The following KATNIP variants were observed in gnomAD, a reference collection of about 807,000 sequenced individuals.
KATNIP encodes katanin-interacting protein.
Under a neutral mutation model 174.0 loss-of-function variants are expected in KATNIP, and 126 were observed. That is an observed-to-expected ratio of 0.72 (90% CI 0.63 to 0.84). The LOEUF (loss-of-function observed/expected upper bound fraction) is 0.84, where lower values mean the gene tolerates loss of function less well. KATNIP is among the 40% of genes least tolerant of loss of function. The pLI, the probability that KATNIP is intolerant of heterozygous loss-of-function variation, is 0.00. For missense variants in KATNIP, 1,958 were observed against 2,109.7 expected (o/e 0.93, Z 1.41); for synonymous variants, 810 against 835.7 (o/e 0.97, Z 0.53).
In KATNIP at chr16:27,605,990, C is replaced by T. The variant is rs151045045; in HGVS notation, c.64-12435C>T. On this transcript the variant is annotated intron_variant, in intron 2 of 27. Transcript: ENST00000261588. ...ATTAAAAATACAAAAATTAGCTGGG[C>T]GTGGTGGCAGACGCCTGTAGTCCCA... Among the ~76,000 whole-genome samples the T allele has an allele frequency of 4.5e-4, 69 of 152,068 alleles. No individual in the cohort carries two copies. In the East Asian group the frequency reaches 5.6e-3, roughly 12 times the overall value.
intron 2 of KATNIP, among the ~76,000 whole-genome samples, chr16:27,584,819 G>A (rs904198118): frequency 2.6e-5 from 4 of 152,050 alleles, no homozygotes; most frequent in African/African-American, 9.7e-5. Context: ...GTTGACATCT[G>A]TTGTCTTGTT....
Position 27,680,483 on chromosome 16 carries a change from A to G in KATNIP, c.809-916A>G, listed in dbSNP as rs190939030. The stretch of plus-strand genomic sequence containing the variant: ...CAGTTCGAGTGATACTGGGGCATAA[A>G]GTGAGAAGAGAGAATTTGAATTTCT... On this transcript the variant is annotated intron_variant, in intron 7 of 27. Coordinates refer to ENST00000261588, the MANE Select transcript of KATNIP (RefSeq NM_015202.5). 5.4e-3 allele frequency among the ~76,000 whole-genome samples: 817 copies of G among 152,284 alleles called. 13 individuals carry two copies. The highest frequency in any genetic ancestry group is 0.019 in the African/African-American group (784 of 41,566).
intron 13 of KATNIP, among the ~76,000 whole-genome samples, chr16:27,710,045 G>A (rs558500970): frequency 2.0e-5 from 3 of 152,196 alleles, no homozygotes; most frequent in Non-Finnish European, 2.9e-5. Context: ...CTCCACAAAC[G>A]TTGAATGTTT....
intron 2 of KATNIP, among the ~76,000 whole-genome samples, chr16:27,606,379 G>A (rs559992225): frequency 6.6e-6 from 1 of 152,138 alleles, no homozygotes; most frequent in South Asian, 2.1e-4. Flanking sequence ...ATGCTTCTCT[G>A]AGCCCTTAGA....
intron 12 of KATNIP, among the ~76,000 whole-genome samples, chr16:27,705,086 T>G (rs1301029228): frequency 6.6e-6 from 1 of 151,994 alleles, no homozygotes; most frequent in Non-Finnish European, 1.5e-5. Context: ...AATTTTTGTA[T>G]TTTTAGTAGA....
At chr16:27,772,523 A>G in intron 22 of KATNIP, among the ~76,000 whole-genome samples, 1 of 152,202 alleles carries the variant, frequency 6.6e-6, no homozygotes, top group East Asian at 1.9e-4. Flanking sequence ...GAAAGGCTTG[A>G]TGCCCAGCTC....
chr16:27,731,649 T>G (rs1039720586), intron 14 of KATNIP, among the ~76,000 whole-genome samples: 27 of 151,872 alleles, frequency 1.8e-4, no homozygotes, highest in African/African-American at 6.3e-4. Flanking sequence ...AGACAGAGTC[T>G]TGCTCTGTTC....
chr16:27,734,496 T>G (rs1246881171), intron 14 of KATNIP, among the ~76,000 whole-genome samples: 2 of 150,884 alleles, frequency 1.3e-5, no homozygotes, highest in African/African-American at 4.9e-5. Flanking sequence ...GTCAGGAGTT[T>G]GAGACCAGTC....
At chr16:27,644,462 G>C (rs1030915047) in intron 5 of KATNIP, 3 of 151,954 alleles carry the variant, frequency 2.0e-5, no homozygotes, top group Admixed American at 6.6e-5. Context: ...ATTTCCTCCT[G>C]CATCATTTTT....
Position 27,751,760 on chromosome 16 carries a change from G to T in KATNIP, c.3388G>T (p.Asp1130Tyr). ...AGACACGATCTTATTCACAACCGATGATGACATTCTCGAGGCCATATTCTA... is the reference window on the plus strand; with the variant it reads ...AGACACGATCTTATTCACAACCGATTATGACATTCTCGAGGCCATATTCTA... ...FGDTILFTTD[D>Y]DILEAIFYSD... Residue 1130 changes from aspartate (D) to tyrosine (Y), a missense_variant, in exon 17 of 28, where the codon GAT becomes TAT. Transcript: ENST00000261588. 15 of 1,614,234 alleles carry T rather than the reference G, an allele frequency of 9.3e-6. No individual in the cohort carries two copies. The highest frequency in any genetic ancestry group is 1.3e-5 in the Non-Finnish European group (15 of 1,180,036).
chr16:27,598,234 A>G (rs1233631193), intron 2 of KATNIP, among the ~76,000 whole-genome samples: 2 of 93,670 alleles, frequency 2.1e-5, no homozygotes. Flanking sequence ...ACAGAGCAAG[A>G]CTCCATCTCA....
At position 27,699,918 on chromosome 16, in the gene KATNIP, T is replaced by TA. The variant is rs111436194; in HGVS notation, c.1179+319_1179+320insA. ...TATTTATTTTTTTATTTTATTTATT[T>TA]TTTTTTTTTTGAGACAGAATCTCAC... is the stretch of plus-strand genomic sequence containing the variant. On this transcript the variant is annotated intron_variant, in intron 10 of 27. Transcript: ENST00000261588. 5.6e-3 allele frequency among the ~76,000 whole-genome samples: 856 copies of TA among 151,622 alleles called. 9 individuals carry two copies. Among genetic ancestry groups the TA allele is most frequent in the African/African-American group, 0.019 (800 of 41,356 alleles).
chr16:27,698,479 GC>G lies in KATNIP; in HGVS notation c.1093del (p.Gln365SerfsTer71). ...GGGCGCTCCTCAGCAGAAAGGCCGA[GC>G]AGCCAGCCAGCCCACTGCAGGTGCG... ...QRALLSRKAE[Q>X]PASPLQDAEG... On this transcript the variant is annotated frameshift_variant, in exon 9 of 28. Coordinates refer to ENST00000261588, the MANE Select transcript of KATNIP (RefSeq NM_015202.5). LOFTEE classifies it high-confidence loss of function. The G allele has an allele frequency of 6.2e-7, 1 of 1,610,824 alleles. No homozygotes were observed. Among genetic ancestry groups the G allele is most frequent in the South Asian group, 1.1e-5 (1 of 90,668 alleles).
At chr16:27,602,078 C>G (rs2075545208) in intron 2 of KATNIP, among the ~76,000 whole-genome samples, 1 of 152,176 alleles carries the variant, frequency 6.6e-6, no homozygotes, top group African/African-American at 2.4e-5. Flanking sequence ...CAGCACCAGC[C>G]TGAGAGGGCG....
intron 18 of KATNIP, chr16:27,757,404 C>G (rs1157460592): frequency 1.5e-6 from 1 of 667,106 alleles, no homozygotes; most frequent in Admixed American, 6.3e-5. Flanking sequence ...TTCTCCAGAG[C>G]GGGTCAGAGT....
intron 8 of KATNIP, among the ~76,000 whole-genome samples, chr16:27,694,319 G>C (rs1415048580): frequency 1.3e-5 from 2 of 152,160 alleles, no homozygotes; most frequent in Non-Finnish European, 2.9e-5. Context: ...ATCAACAGCT[G>C]ATGGTTTGCT....
At chr16:27,603,545 C>A (rs2075602875) in intron 2 of KATNIP, among the ~76,000 whole-genome samples, 1 of 152,076 alleles carries the variant, frequency 6.6e-6, no homozygotes, top group African/African-American at 2.4e-5. Flanking sequence ...GCCCCACCAC[C>A]CCCAACTGCA....
intron 9 of KATNIP, among the ~76,000 whole-genome samples, chr16:27,698,726 G>A (rs892942809): frequency 6.6e-6 from 1 of 152,240 alleles, no homozygotes; most frequent in Admixed American, 6.5e-5. Context: ...TAAGCTGGGT[G>A]CTAATCTGCC....
chr16:27,740,116 G>A lies in KATNIP; in HGVS notation c.1819G>A (p.Gly607Arg). The change falls in exon 15 of 28, where the codon GGA (glycine) becomes AGA (arginine). Residue 607 changes from glycine to arginine, a missense_variant. By Grantham distance (125) the Gly-to-Arg change is moderately radical. Coordinates refer to ENST00000261588, the MANE Select transcript of KATNIP (RefSeq NM_015202.5). ...NLIFNGKLDK[G>R]DREAPADHSI... ...CATCTTCAATGGCAAGTTAGACAAAGGAGATAGGGAGGCCCCAGCTGACCA... is the reference window on the plus strand; with the variant it reads ...CATCTTCAATGGCAAGTTAGACAAAAGAGATAGGGAGGCCCCAGCTGACCA... 1 of 1,614,194 alleles carries A rather than the reference G, an allele frequency of 6.2e-7. No homozygotes were observed. Among genetic ancestry groups the A allele is most frequent in the Non-Finnish European group, 8.5e-7 (1 of 1,180,034 alleles).
Sources: gnomAD v4.1 joint callset for allele counts (sites outside exome capture counted in the v4.1 genomes callset) on GRCh38, gnomAD v4.1.1 for gene constraint, MANE v1.5 for transcripts, NCBI Gene and HGNC (gene_info 2026-07-23, HGNC 2026-07-21) for gene names.